QRFPR: variants seen among roughly 807,000 people sequenced by gnomAD.
QRFPR encodes pyroglutamylated RFamide peptide receptor.
In QRFPR, 37 loss-of-function variants were observed where a neutral mutation model predicts 31.3. That is an observed-to-expected ratio of 1.18 (90% CI 0.91 to 1.56). The LOEUF (loss-of-function observed/expected upper bound fraction) is 1.56, where lower values mean the gene tolerates loss of function less well. Ranked by LOEUF, QRFPR falls within the 40% of genes most tolerant of loss-of-function variation. The pLI, the probability that QRFPR is intolerant of heterozygous loss-of-function variation, is 0.00. For missense variants in QRFPR, 542 were observed against 532.5 expected, an observed-to-expected ratio of 1.02 and a Z score of -0.18; for synonymous variants, 197 against 192.0, an observed-to-expected ratio of 1.03 and a Z score of -0.22.
At chr4:121,333,205 C>G in intron 3 of QRFPR, 149 bp from the exon 4 acceptor site, 1 of 603,554 alleles carries the variant, frequency 1.7e-6, no homozygotes, top group Non-Finnish European at 2.9e-6. Flanking sequence ...TTTAATTGTT[C>G]TTTTGTTGTG....
intron 1 of QRFPR, among the ~76,000 whole-genome samples, chr4:121,378,208 G>A (rs955342695): frequency 1.1e-4 from 16 of 152,116 alleles, no homozygotes; most frequent in Non-Finnish European, 1.8e-4. Flanking sequence ...TAAAATAAAT[G>A]AGCAATATAT....
chr4:121,380,678 G>T lies in QRFPR; in HGVS notation c.-31C>A, dbSNP rs1326208856. On this transcript the variant is annotated 5_prime_UTR_variant, in exon 1 of 6. Coordinates refer to ENST00000394427, the MANE Select transcript of QRFPR (RefSeq NM_198179.3). Reference sequence around the variant, plus strand: ...TGCGCTCCCGGGACGCGGGGCCACCGCCCGCTACTGGCTGGCCATCCGCAT... The same window carrying T: ...TGCGCTCCCGGGACGCGGGGCCACCTCCCGCTACTGGCTGGCCATCCGCAT... 1 of 1,469,314 alleles carries T rather than the reference G, an allele frequency of 6.8e-7. No individual in the cohort carries two copies. Among genetic ancestry groups the T allele is most frequent in the South Asian group, 1.4e-5 (1 of 70,796 alleles). The allele number at this position is 1,469,314 out of a possible 1,614,324, so 91.0% of individuals were successfully genotyped here.
chr4:121,359,949 C>T (rs1380827292), intron 1 of QRFPR, among the ~76,000 whole-genome samples: 3 of 148,512 alleles, frequency 2.0e-5, no homozygotes, highest in Non-Finnish European at 3.0e-5. Flanking sequence ...CCTTTCCCAC[C>T]TCGTTTTTCT....
intron 1 of QRFPR, among the ~76,000 whole-genome samples, chr4:121,362,792 A>G (rs1365554626): frequency 2.7e-5 from 4 of 150,282 alleles, no homozygotes; most frequent in Admixed American, 6.6e-5. Context: ...TCTAGACACT[A>G]CGAGAAAGAC....
chr4:121,370,543 G>C (rs71602334), intron 1 of QRFPR, among the ~76,000 whole-genome samples: 2 of 152,150 alleles, frequency 1.3e-5, no homozygotes, highest in African/African-American at 4.8e-5. Flanking sequence ...CCGGGAGTCC[G>C]GCACTAAAAA....
rs529149004 is a variant in QRFPR, at chr4:121,351,201, G to C, written c.341-10591C>G. Among the ~76,000 whole-genome samples the C allele has an allele frequency of 1.0e-3, 157 of 152,284 alleles. No homozygotes were observed. In the Middle Eastern group the frequency reaches 0.031, roughly 30 times the overall value. ...CACTAGCTGCTCCGTGTACAGGTAGGAGCTGTCCCCTGGAAAACTTTGACT... is the reference window on the plus strand; with the variant it reads ...CACTAGCTGCTCCGTGTACAGGTAGCAGCTGTCCCCTGGAAAACTTTGACT... On this transcript the variant is annotated intron_variant, in intron 1 of 5. Transcript: ENST00000394427.
chr4:121,359,434 A>T (rs989691453), intron 1 of QRFPR, among the ~76,000 whole-genome samples: 2 of 152,022 alleles, frequency 1.3e-5, no homozygotes, highest in African/African-American at 4.8e-5. Context: ...AGGCAGAAAA[A>T]ACTTGAAAAG....
At position 121,340,496 on chromosome 4, in the gene QRFPR, T is replaced by G; in HGVS notation, c.455A>C (p.Lys152Thr). ...TCGGTTGGTGTATTGCCACTTCATT[T>G]TAAAAGGATGCACAAGTCCCTGGTG... is the stretch of plus-strand genomic sequence containing the variant. ...ERHQGLVHPF[K>T]MKWQYTNRRA... Residue 152 changes from lysine to threonine, a missense_variant, in exon 2 of 6, where the codon AAA becomes ACA. Transcript: ENST00000394427. The G allele has an allele frequency of 6.2e-7, 1 of 1,614,082 alleles. No individual in the cohort carries two copies. Among genetic ancestry groups the G allele is most frequent in the Non-Finnish European group, 8.5e-7 (1 of 1,179,982 alleles).
At chr4:121,373,459 C>A (rs1297390652) in intron 1 of QRFPR, among the ~76,000 whole-genome samples, 3 of 152,104 alleles carry the variant, frequency 2.0e-5, no homozygotes, top group African/African-American at 7.2e-5. Context: ...TGCTGTTGGA[C>A]CTCTGTTTAA....
chr4:121,365,576 ATATAT>A (rs1277306896), intron 1 of QRFPR, among the ~76,000 whole-genome samples: 2 of 774 alleles, frequency 2.6e-3, no homozygotes, highest in African/African-American at 9.3e-3. Context: ...TATATATAAT[ATATAT>A]TATATATATT....
At chr4:121,339,575 T>C (rs543832985) in intron 2 of QRFPR, among the ~76,000 whole-genome samples, 1 of 152,284 alleles carries the variant, frequency 6.6e-6, no homozygotes, top group Non-Finnish European at 1.5e-5. Flanking sequence ...TACCCTTGTG[T>C]ACTCACCACA....
chr4:121,339,677 C>T (rs1382172185), intron 2 of QRFPR, among the ~76,000 whole-genome samples: 3 of 152,012 alleles, frequency 2.0e-5, no homozygotes, highest in Admixed American at 6.6e-5. Flanking sequence ...TGGCTCACAC[C>T]GGTAATCCTA....
intron 3 of QRFPR, among the ~76,000 whole-genome samples, chr4:121,336,297 T>C (rs1337330344): frequency 6.6e-6 from 1 of 152,152 alleles, no homozygotes; most frequent in African/African-American, 2.4e-5. Flanking sequence ...TGGGCCTGTC[T>C]GACAAAGGTG....
chr4:121,379,302 T>G (rs1726421927), intron 1 of QRFPR, among the ~76,000 whole-genome samples: 1 of 152,234 alleles, frequency 6.6e-6, no homozygotes, highest in Non-Finnish European at 1.5e-5. Flanking sequence ...AATGGTAGGA[T>G]GAAACACCCT....
chr4:121,339,455 G>A (rs1024723046), intron 2 of QRFPR, among the ~76,000 whole-genome samples: 46 of 152,298 alleles, frequency 3.0e-4, no homozygotes, highest in African/African-American at 1.1e-3. Flanking sequence ...ATTACAGCAA[G>A]CTGACGATCC....
At chr4:121,349,305 A>C (rs1380360897) in intron 1 of QRFPR, among the ~76,000 whole-genome samples, 1 of 151,794 alleles carries the variant, frequency 6.6e-6, no homozygotes, top group African/African-American at 2.4e-5. Flanking sequence ...TCTGTGTTTT[A>C]ATTTGTTCCT....
intron 1 of QRFPR, among the ~76,000 whole-genome samples, chr4:121,356,509 C>T (rs1056275857): frequency 6.6e-6 from 1 of 152,120 alleles, no homozygotes. Context: ...AGTATTTATT[C>T]CAGTCTTCAC....
At chr4:121,345,859 T>C (rs962154117) in intron 1 of QRFPR, among the ~76,000 whole-genome samples, 1 of 152,164 alleles carries the variant, frequency 6.6e-6, no homozygotes, top group African/African-American at 2.4e-5. Context: ...CTAAACATGA[T>C]GCTTGAAAAT....
intron 1 of QRFPR, among the ~76,000 whole-genome samples, chr4:121,350,475 T>C (rs1221222968): frequency 2.6e-5 from 4 of 152,196 alleles, no homozygotes; most frequent in Admixed American, 2.6e-4. Context: ...ATTTAAAGAA[T>C]CCATCAATAT....
Sources: allele counts gnomAD v4.1 joint callset (sites outside exome capture counted in the v4.1 genomes callset), GRCh38; gene constraint gnomAD v4.1.1; transcripts MANE v1.5; gene names NCBI Gene and HGNC (gene_info 2026-07-23, HGNC 2026-07-21).